The following GPR155 variants were observed in gnomAD, a reference collection of about 807,000 sequenced individuals.
The protein encoded by GPR155 is G protein-coupled receptor 155.
GPR155 carries 65 observed loss-of-function variants against 93.1 expected under a neutral mutation model. That is an observed-to-expected ratio of 0.70 (90% CI 0.57 to 0.86). GPR155 has a LOEUF of 0.86. Among genes scored for constraint, GPR155 ranks in the 40% least tolerant of loss-of-function variants. The pLI is 0.00. For synonymous variants in GPR155, 319 were observed against 360.1 expected (o/e 0.89, Z 1.29); for missense variants, 838 against 1,034.8 (o/e 0.81, Z 2.61).
chr2:174,435,966 G>A lies in GPR155; in HGVS notation c.*150C>T, dbSNP rs1422596972. 7 of 625,802 alleles carry A rather than the reference G, an allele frequency of 1.1e-5. No individual in the cohort carries two copies. The highest frequency in any genetic ancestry group is 2.0e-5 in the Non-Finnish European group (7 of 350,284). 38.8% of individuals were successfully genotyped at this position (625,802 alleles called of 1,614,324 possible). A position where few individuals can be genotyped will look rare whatever the true frequency, so the allele number is the denominator to read the frequency against. ...ATGTAAAATCACAGACCCTGCGCATGTGGTGGGAGCACATCTTTTCACATT... is the reference window on the plus strand; with the variant it reads ...ATGTAAAATCACAGACCCTGCGCATATGGTGGGAGCACATCTTTTCACATT... On this transcript the variant is annotated 3_prime_UTR_variant, in exon 16 of 16. Coordinates refer to ENST00000392552, the MANE Select transcript of GPR155 (RefSeq NM_152529.7).
At position 174,436,205 on chromosome 2, in the gene GPR155, G is replaced by A. The variant is rs1329538726; in HGVS notation, c.2524C>T (p.Pro842Ser). The change falls in exon 16 of 16, where the codon CCT (proline) becomes TCT (serine). Residue 842 changes from proline (P) to serine (S), a missense_variant. By Grantham distance (74) the Pro-to-Ser change is moderately conservative. Transcript: ENST00000392552. The stretch of plus-strand genomic sequence containing the variant: ...AGAGTGTTTGCATTAATAGCAGGAG[G>A]ACTCTGTTCAGGACTCTTTTGAAGA... ...RFLQKSPEQS[P>S]PAINANTLQQ... is the part of the protein sequence containing the mutation. The A allele has an allele frequency of 3.9e-5, 63 of 1,613,280 alleles. No individual in the cohort carries two copies. Among genetic ancestry groups the A allele is most frequent in the Non-Finnish European group, 5.0e-5 (59 of 1,179,336 alleles).
intron 7 of GPR155, among the ~76,000 whole-genome samples, chr2:174,465,325 T>C (rs535636296): frequency 6.6e-6 from 1 of 152,340 alleles, no homozygotes; most frequent in East Asian, 1.9e-4. Flanking sequence ...AAAGTAACTC[T>C]GTAAGGTGCT....
intron 2 of GPR155, 74 bp from the exon 3 acceptor site, chr2:174,473,438 C>A (rs1474399854): frequency 1.0e-6 from 1 of 1,002,458 alleles, no homozygotes; most frequent in African/African-American, 1.7e-5. Flanking sequence ...ATAACATTTT[C>A]TGTACTTTAT....
rs1686722048 is a variant in GPR155 at position 174,434,631 on chromosome 2, G to C, written c.*1485C>G. 6.6e-6 allele frequency: 1 copy of C among 151,702 alleles called. No homozygotes were observed. The highest frequency in any genetic ancestry group is 6.6e-5 in the Admixed American group (1 of 15,226). The allele number at this position is 151,702 out of a possible 1,614,324, so 9.4% of individuals were successfully genotyped here. A position where few individuals can be genotyped will look rare whatever the true frequency, so the allele number is the denominator to read the frequency against. On this transcript the variant is annotated 3_prime_UTR_variant, in exon 16 of 16. Transcript: ENST00000392552. Reference sequence around the variant, plus strand: ...TGCTTGTTTTTTGTTTTTGAGACAGGGTCTTGCTCTGTCACCCAGGTTGAA... The same window carrying C: ...TGCTTGTTTTTTGTTTTTGAGACAGCGTCTTGCTCTGTCACCCAGGTTGAA...
intron 2 of GPR155, among the ~76,000 whole-genome samples, chr2:174,475,957 C>T (rs952388455): frequency 1.3e-5 from 2 of 152,138 alleles, no homozygotes; most frequent in African/African-American, 2.4e-5. Flanking sequence ...TATATTAATG[C>T]CTTTTTCCAG....
chr2:174,453,383 G>A (rs190067458), intron 11 of GPR155, among the ~76,000 whole-genome samples: 69 of 152,114 alleles, frequency 4.5e-4, no homozygotes, highest in Non-Finnish European at 7.8e-4. Flanking sequence ...TCTTCTGGCC[G>A]GGTGTGGTAG....
chr2:174,454,001 T>A (rs763531610), intron 10 of GPR155, among the ~76,000 whole-genome samples, 160 bp from the exon 11 acceptor site: 10 of 152,164 alleles, frequency 6.6e-5, no homozygotes, highest in Non-Finnish European at 1.5e-4. Flanking sequence ...ATTCAAATGT[T>A]CTCACTCATA....
chr2:174,455,345 C>T (rs1441499357), intron 10 of GPR155, among the ~76,000 whole-genome samples: 1 of 150,148 alleles, frequency 6.7e-6, no homozygotes, highest in Non-Finnish European at 1.5e-5. Context: ...GTAGCTCAGG[C>T]AGCTGCAGGG....
chr2:174,477,220 C>T (rs1174010989), intron 2 of GPR155, among the ~76,000 whole-genome samples: 3 of 151,512 alleles, frequency 2.0e-5, no homozygotes, highest in Admixed American at 6.6e-5. Flanking sequence ...TTATAATGTA[C>T]ATAATGTTTT....
At chr2:174,461,525 G>T in intron 8 of GPR155, 33 bp from the exon 9 acceptor site, 1 of 1,579,494 alleles carries the variant, frequency 6.3e-7, no homozygotes, top group Non-Finnish European at 8.7e-7. Flanking sequence ...GAGAGAAAAA[G>T]AAAGGATGAA....
chr2:174,462,173 G>A (rs1258023717), intron 7 of GPR155, among the ~76,000 whole-genome samples: 4 of 152,044 alleles, frequency 2.6e-5, no homozygotes, highest in Non-Finnish European at 5.9e-5. Context: ...CCTGAGCTCA[G>A]TGGATCCTCC....
In GPR155 at chr2:174,445,769, T is replaced by C. The variant is rs1248554386; in HGVS notation, c.2014-593A>G. On this transcript the variant is annotated intron_variant, in intron 12 of 15. Coordinates refer to ENST00000392552, the MANE Select transcript of GPR155 (RefSeq NM_152529.7). ...AAATGCATGTAGTCTAAAAATAAAA[T>C]ACTGTATTTTAATTTTCTCTATTTT... Among the ~76,000 whole-genome samples the C allele has an allele frequency of 2.0e-5, 3 of 152,186 alleles. No individual in the cohort carries two copies. In the East Asian group the frequency reaches 5.8e-4, roughly 29 times the overall value.
intron 1 of GPR155, chr2:174,483,274 A>G (rs748473136): frequency 2.0e-5 from 3 of 152,184 alleles, no homozygotes; most frequent in Non-Finnish European, 2.9e-5. Flanking sequence ...TATTTAGTTT[A>G]CAGACAGAAT....
intron 7 of GPR155, 42 bp downstream of exon 7, chr2:174,465,743 G>T: frequency 1.1e-6 from 1 of 936,926 alleles, no homozygotes; most frequent in Non-Finnish European, 1.8e-6. Flanking sequence ...AATGGGGTGG[G>T]GTGGGGAACA....
intron 14 of GPR155, 40 bp from the exon 15 acceptor site, chr2:174,440,075 G>T (rs1374386236): frequency 2.5e-6 from 4 of 1,570,908 alleles, no homozygotes; most frequent in Non-Finnish European, 3.5e-6. Context: ...GGACAGAAAA[G>T]CACTGAGAGA....
At position 174,469,087 on chromosome 2, in the gene GPR155, C is replaced by T. The variant is rs752103051; in HGVS notation, c.1027-20G>A. 6.2e-7 allele frequency: 1 copy of T among 1,610,000 alleles called. No homozygotes were observed. Among genetic ancestry groups the T allele is most frequent in the South Asian group, 1.1e-5 (1 of 90,950 alleles). On this transcript the variant is annotated intron_variant, in intron 4 of 15. Transcript: ENST00000392552. Reference sequence around the variant, plus strand: ...GGTTATCTGCAAAAATGAAATCAAACAGAGGAGTTACAATCTCAATTAAAC... The same window carrying T: ...GGTTATCTGCAAAAATGAAATCAAATAGAGGAGTTACAATCTCAATTAAAC...
chr2:174,460,930 G>T (rs1053025972), intron 9 of GPR155, among the ~76,000 whole-genome samples: 3 of 152,086 alleles, frequency 2.0e-5, no homozygotes, highest in Admixed American at 2.0e-4. Flanking sequence ...AAATTATGTG[G>T]AGAGGCTTTT....
chr2:174,459,865 A>C lies in GPR155; in HGVS notation c.1771+13T>G. The C allele has an allele frequency of 1.9e-6, 3 of 1,566,630 alleles. No individual in the cohort carries two copies. The highest frequency in any genetic ancestry group is 2.6e-6 in the Non-Finnish European group (3 of 1,139,454). On this transcript the variant is annotated intron_variant, in intron 10 of 15. Coordinates refer to ENST00000392552, the MANE Select transcript of GPR155 (RefSeq NM_152529.7). ...GTCTCAAATAAATAAAAATAAAATT[A>C]AAAAGATCATACTTGTTTCTGGAAT...
At chr2:174,445,213 G>A (rs1210279933) in intron 12 of GPR155, 37 bp from the exon 13 acceptor site, 2 of 1,044,762 alleles carry the variant, frequency 1.9e-6, no homozygotes, top group East Asian at 4.7e-5. Flanking sequence ...TTAAAATCAA[G>A]CAAGCTGATA....
Sources: allele counts gnomAD v4.1 joint callset (sites outside exome capture counted in the v4.1 genomes callset), GRCh38; gene constraint gnomAD v4.1.1; transcripts MANE v1.5; gene names NCBI Gene and HGNC (gene_info 2026-07-23, HGNC 2026-07-21).